CTNNA2: variants seen among roughly 807,000 people sequenced by gnomAD.
The protein encoded by CTNNA2 is catenin alpha 2.
In CTNNA2, 42 loss-of-function variants were observed where a neutral mutation model predicts 101.0. That is an observed-to-expected ratio of 0.42 (90% CI 0.32 to 0.54). The LOEUF (loss-of-function observed/expected upper bound fraction) is 0.54, where lower values mean the gene tolerates loss of function less well. CTNNA2 is among the 20% of genes least tolerant of loss of function. The probability of loss-of-function intolerance (pLI) is 0.14; values close to 1 mark genes in which losing one functional copy is unlikely to be tolerated. For synonymous variants in CTNNA2, 450 were observed against 456.4 expected (o/e 0.99, Z 0.18); for missense variants, 871 against 1,223.1 (o/e 0.71, Z 4.29).
chr2:80,136,167 G>A (rs556756313), intron 7 of CTNNA2, among the ~76,000 whole-genome samples: 39 of 152,222 alleles, frequency 2.6e-4, no homozygotes, highest in African/African-American at 8.7e-4. Context: ...GTGCCTGGAC[G>A]TTAATAAATG....
intron 7 of CTNNA2, among the ~76,000 whole-genome samples, chr2:80,338,490 AT>A (rs1671957677): frequency 6.6e-6 from 1 of 152,158 alleles, no homozygotes; most frequent in Non-Finnish European, 1.5e-5. Context: ...AGCAGTACAA[AT>A]AATATCAAGT....
chr2:80,146,621 A>G (rs1368688657), intron 7 of CTNNA2, among the ~76,000 whole-genome samples: 1 of 149,936 alleles, frequency 6.7e-6, no homozygotes, highest in Admixed American at 6.7e-5. Flanking sequence ...CGAGACTCTC[A>G]CTTTAACTGG....
chr2:80,080,615 C>T lies in CTNNA2; in HGVS notation c.1056+170818C>T, dbSNP rs907383495. On this transcript the variant is annotated intron_variant, in intron 7 of 18. Coordinates refer to ENST00000402739, the MANE Select transcript of CTNNA2 (RefSeq NM_001282597.3). ...ATCCATAAAGTGTGGTTGAGACTTC[C>T]CTGTTTAGAGAGAACTGTGTTGCGA... Among the ~76,000 whole-genome samples the T allele has an allele frequency of 3.3e-5, 5 of 152,146 alleles. No homozygotes were observed. In the South Asian group the frequency reaches 1.0e-3, roughly 32 times the overall value.
chr2:80,560,798 T>G (rs1016340155), intron 12 of CTNNA2, among the ~76,000 whole-genome samples: 5 of 152,204 alleles, frequency 3.3e-5, no homozygotes, highest in Admixed American at 6.5e-5. Context: ...TCCTCTTCAG[T>G]GTAAATGACT....
At chr2:79,230,994 C>CTGA (rs1284056194) in intron 2 of CTNNA2, among the ~76,000 whole-genome samples, 1 of 152,134 alleles carries the variant, frequency 6.6e-6, no homozygotes, top group Admixed American at 6.5e-5. Context: ...TAGGAAGTAA[C>CTGA]TGACTTGCTT....
chr2:79,903,981 A>G (rs1435206525), intron 6 of CTNNA2, among the ~76,000 whole-genome samples: 2 of 152,110 alleles, frequency 1.3e-5, no homozygotes, highest in African/African-American at 2.4e-5. Flanking sequence ...GGGCCCCTCT[A>G]TGGCACCGTA....
intron 3 of CTNNA2, among the ~76,000 whole-genome samples, chr2:79,770,069 T>C (rs1216915102): frequency 1.3e-5 from 2 of 152,202 alleles, no homozygotes; most frequent in East Asian, 3.8e-4. Context: ...CCAGGGGACA[T>C]TTGACAATGT....
chr2:80,150,266 T>C (rs11679783), intron 7 of CTNNA2, among the ~76,000 whole-genome samples: 21,841 of 152,120 alleles, frequency 0.14, 3,960 homozygotes, highest in African/African-American at 0.43. Context: ...CTCTGAGGCT[T>C]CTCTTTCTGA....
At chr2:80,550,856 T>A (rs1350282413) in intron 11 of CTNNA2, among the ~76,000 whole-genome samples, 1 of 152,214 alleles carries the variant, frequency 6.6e-6, no homozygotes, top group Non-Finnish European at 1.5e-5. Context: ...TGTTGATATT[T>A]TGACTTTCTC....
chr2:79,576,900 C>T (rs760459040), intron 1 of CTNNA2, among the ~76,000 whole-genome samples: 12 of 152,086 alleles, frequency 7.9e-5, no homozygotes, highest in Non-Finnish European at 1.3e-4. Context: ...AAAAACTATT[C>T]GAGCATAACA....
intron 7 of CTNNA2, among the ~76,000 whole-genome samples, chr2:80,182,811 C>T (rs1157632922): frequency 2.0e-5 from 3 of 152,056 alleles, no homozygotes; most frequent in Admixed American, 2.0e-4. Context: ...TGAAAAAGCC[C>T]TACAGTGGTA....
chr2:80,629,863 T>C (rs1573509506), intron 18 of CTNNA2, among the ~76,000 whole-genome samples: 2 of 152,166 alleles, frequency 1.3e-5, no homozygotes, highest in South Asian at 2.1e-4. Context: ...ATGAGAACCA[T>C]AGGACTGGTT....
At chr2:80,599,324 G>A (rs148119799) in intron 15 of CTNNA2, among the ~76,000 whole-genome samples, 7 of 152,228 alleles carry the variant, frequency 4.6e-5, no homozygotes, top group East Asian at 1.9e-4. Context: ...ATAGGCACTC[G>A]GATGTCTGAA....
At chr2:80,142,648 A>C (rs938029615) in intron 7 of CTNNA2, among the ~76,000 whole-genome samples, 2 of 152,188 alleles carry the variant, frequency 1.3e-5, no homozygotes, top group Non-Finnish European at 2.9e-5. Context: ...ATGAGGCCAT[A>C]CAAGCTTGTC....
chr2:80,195,556 C>G (rs1231353041), intron 7 of CTNNA2, among the ~76,000 whole-genome samples: 2 of 151,246 alleles, frequency 1.3e-5, no homozygotes, highest in Admixed American at 1.3e-4. Context: ...TTAATGACTT[C>G]TAGAGATAAT....
intron 4 of CTNNA2, among the ~76,000 whole-genome samples, chr2:79,463,218 C>T (rs992331847): frequency 1.3e-5 from 2 of 152,024 alleles, no homozygotes; most frequent in Admixed American, 6.6e-5. Context: ...TTGAAACCAG[C>T]TTGGCCAACA....
intron 7 of CTNNA2, among the ~76,000 whole-genome samples, chr2:80,146,710 GTTTTTTTTTTTTTTTTTTTTTT>G (rs34019123): frequency 1.6e-5 from 1 of 61,744 alleles, no homozygotes. Context: ...GTCCCCTCTG[GTTTTTTTTTTTTTTTTTTTTTT>G]TTTTTTTTTT....
chr2:80,563,048 C>CAAAAAAAAA (rs869143884), intron 12 of CTNNA2, among the ~76,000 whole-genome samples: 1 of 66,288 alleles, frequency 1.5e-5, no homozygotes, highest in Non-Finnish European at 3.5e-5. Context: ...AAAGTACAAC[C>CAAAAAAAAA]AAAAAAAAAA....
At chr2:80,138,449 A>C (rs756415035) in intron 7 of CTNNA2, among the ~76,000 whole-genome samples, 1 of 152,178 alleles carries the variant, frequency 6.6e-6, no homozygotes, top group Non-Finnish European at 1.5e-5. Flanking sequence ...TGATGATTAC[A>C]TGTGTTAATA....
Sources: allele counts gnomAD v4.1 joint callset (sites outside exome capture counted in the v4.1 genomes callset), GRCh38; gene constraint gnomAD v4.1.1; transcripts MANE v1.5; gene names NCBI Gene and HGNC (gene_info 2026-07-23, HGNC 2026-07-21).